Variants in FAT3 observed in about 807,000 individuals in gnomAD.
The protein encoded by FAT3 is protocadherin Fat 3.
FAT3 carries 95 observed loss-of-function variants against 310.2 expected under a neutral mutation model. The observed-to-expected ratio is 0.31, with a 90% CI of 0.26 to 0.36. The LOEUF (loss-of-function observed/expected upper bound fraction) is 0.36. Among genes scored for constraint, FAT3 ranks in the 10% least tolerant of loss-of-function variants. FAT3 has a pLI of 1.00. For missense variants in FAT3, 5,408 were observed against 5,715.6 expected (o/e 0.95, Z 1.74); for synonymous variants, 2,314 against 2,192.9 (o/e 1.06, Z -1.54).
chr11:92,233,060 T>C (rs936821863), intron 1 of FAT3, among the ~76,000 whole-genome samples: 22 of 152,200 alleles, frequency 1.4e-4, no homozygotes, highest in Non-Finnish European at 7.3e-5. Flanking sequence ...TGTTGTTGGA[T>C]ATATTTCTTT....
At chr11:92,492,275 C>CCATCCATCCATT (rs1952625960) in intron 2 of FAT3, among the ~76,000 whole-genome samples, 1 of 151,512 alleles carries the variant, frequency 6.6e-6, no homozygotes, top group African/African-American at 2.4e-5. Flanking sequence ...ATCCATCCAT[C>CCATCCATCCATT]CATCCATCCA....
intron 3 of FAT3, among the ~76,000 whole-genome samples, chr11:92,579,663 C>T (rs1450384356): frequency 6.6e-5 from 10 of 151,998 alleles, no homozygotes; most frequent in Admixed American, 6.6e-4. Context: ...TATTAATAGG[C>T]TCATGTTCCA....
At chr11:92,608,033 A>C (rs1940385829) in intron 3 of FAT3, among the ~76,000 whole-genome samples, 1 of 152,096 alleles carries the variant, frequency 6.6e-6, no homozygotes, top group Admixed American at 6.5e-5. Flanking sequence ...AATACTACAA[A>C]TACCATGACA....
chr11:92,870,839 A>G (rs1275117238), intron 22 of FAT3, among the ~76,000 whole-genome samples: 1 of 152,174 alleles, frequency 6.6e-6, no homozygotes, highest in Non-Finnish European at 1.5e-5. Flanking sequence ...TGTGCTTGGT[A>G]CTGTGATAAG....
At chr11:92,617,107 G>T (rs773238745) in intron 3 of FAT3, among the ~76,000 whole-genome samples, 11 of 152,056 alleles carry the variant, frequency 7.2e-5, no homozygotes, top group Non-Finnish European at 1.3e-4. Context: ...GTCACTTTCA[G>T]GTACACCAGT....
At chr11:92,385,353 G>C (rs1220322300) in intron 2 of FAT3, among the ~76,000 whole-genome samples, 1 of 152,052 alleles carries the variant, frequency 6.6e-6, no homozygotes, top group Non-Finnish European at 1.5e-5. Flanking sequence ...TTTCATTTTT[G>C]AGACAGAGTC....
In FAT3 at chr11:92,430,544, T is replaced by C. The variant is rs548616165; in HGVS notation, c.3292+75140T>C. On this transcript the variant is annotated intron_variant, in intron 2 of 27. Coordinates refer to ENST00000525166, the MANE Select transcript of FAT3 (RefSeq NM_001367949.2). ...TTAATATATACTTTAAGTTTTAGGG[T>C]ACATGTGTACAACGTGCAGGTTAGT... Among the ~76,000 whole-genome samples the C allele has an allele frequency of 2.6e-4, 39 of 152,122 alleles. 1 individual carries two copies. The highest frequency in any genetic ancestry group is 5.0e-4 in the Non-Finnish European group (34 of 68,026).
chr11:92,694,846 C>T (rs143845588), intron 3 of FAT3, among the ~76,000 whole-genome samples: 7 of 152,264 alleles, frequency 4.6e-5, no homozygotes, highest in African/African-American at 1.7e-4. Flanking sequence ...AGAGGGGAGG[C>T]TCCATGAAAG....
chr11:92,365,722 A>T (rs1349078336), intron 2 of FAT3, among the ~76,000 whole-genome samples: 1 of 152,184 alleles, frequency 6.6e-6, no homozygotes, highest in African/African-American at 2.4e-5. Context: ...CTTGGACAGG[A>T]CCAAGAGGCA....
rs561651471 is a variant in FAT3 at position 92,573,651 on chromosome 11, A to C, written c.3607+48703A>C. On this transcript the variant is annotated intron_variant, in intron 3 of 27. Transcript: ENST00000525166. Reference sequence around the variant, plus strand: ...AGAGAAGACATAGAGCTACACAGAGAGAAGAAGGCCATGTGAAGATAGAGG... The same window carrying C: ...AGAGAAGACATAGAGCTACACAGAGCGAAGAAGGCCATGTGAAGATAGAGG... 1.9e-3 allele frequency among the ~76,000 whole-genome samples: 282 copies of C among 152,248 alleles called. 1 individual carries two copies. The highest frequency in any genetic ancestry group is 6.1e-3 in the African/African-American group (255 of 41,552).
At chr11:92,403,942 A>G (rs1417136158) in intron 2 of FAT3, among the ~76,000 whole-genome samples, 2 of 152,022 alleles carry the variant, frequency 1.3e-5, no homozygotes, top group Non-Finnish European at 2.9e-5. Flanking sequence ...ATGCTGAGGA[A>G]GGATAATTGC....
At chr11:92,310,612 T>C (rs1292814648) in intron 1 of FAT3, among the ~76,000 whole-genome samples, 4 of 152,108 alleles carry the variant, frequency 2.6e-5, no homozygotes, top group Admixed American at 2.6e-4. Context: ...CAGCTTTTAG[T>C]GTATTCATTA....
chr11:92,379,821 G>A (rs971517953), intron 2 of FAT3, among the ~76,000 whole-genome samples: 1 of 152,154 alleles, frequency 6.6e-6, no homozygotes, highest in Non-Finnish European at 1.5e-5. Flanking sequence ...GGTCTTTGGA[G>A]TGGAAGAATT....
At chr11:92,229,938 A>T (rs1377662724) in intron 1 of FAT3, among the ~76,000 whole-genome samples, 1 of 152,132 alleles carries the variant, frequency 6.6e-6, no homozygotes, top group East Asian at 1.9e-4. Flanking sequence ...TTCCTTCACC[A>T]GATAGATATA....
At chr11:92,702,634 A>G (rs1464312731) in intron 4 of FAT3, among the ~76,000 whole-genome samples, 1 of 152,094 alleles carries the variant, frequency 6.6e-6, no homozygotes, top group Non-Finnish European at 1.5e-5. Flanking sequence ...CTTTTCCTGG[A>G]CTGGCTCCAG....
rs186923300 is a variant in FAT3, at chr11:92,808,573, T to C, written c.9248-1270T>C. On this transcript the variant is annotated intron_variant, in intron 12 of 27. Transcript: ENST00000525166. ...AGTAGGAGAGGGAAATGATCCAACC[T>C]GTATCTGAGAACTGGCTGGCCATAG... Among the ~76,000 whole-genome samples the C allele has an allele frequency of 2.5e-4, 38 of 152,300 alleles. No individual in the cohort carries two copies. In the East Asian group the frequency reaches 7.1e-3, roughly 29 times the overall value.
intron 2 of FAT3, among the ~76,000 whole-genome samples, chr11:92,463,990 C>T (rs1951700367): frequency 6.6e-6 from 1 of 152,174 alleles, no homozygotes; most frequent in Non-Finnish European, 1.5e-5. Context: ...AAGCACCTAG[C>T]ACATGGTTAA....
chr11:92,780,807 C>G (rs370767887), intron 7 of FAT3, among the ~76,000 whole-genome samples: 1 of 152,122 alleles, frequency 6.6e-6, no homozygotes, highest in Non-Finnish European at 1.5e-5. Flanking sequence ...AATACTTCAG[C>G]CTTCTCATAG....
At chr11:92,772,570 A>G (rs1355426417) in intron 6 of FAT3, among the ~76,000 whole-genome samples, 4 of 152,110 alleles carry the variant, frequency 2.6e-5, no homozygotes, top group Non-Finnish European at 5.9e-5. Flanking sequence ...AGTGCTCCTC[A>G]TCAAATCAAT....
Sources: allele counts gnomAD v4.1 joint callset (sites outside exome capture counted in the v4.1 genomes callset), GRCh38; gene constraint gnomAD v4.1.1; transcripts MANE v1.5; gene names NCBI Gene and HGNC (gene_info 2026-07-23, HGNC 2026-07-21).